HEATR5A: variants seen among roughly 807,000 people sequenced by gnomAD.
HEATR5A encodes the protein HEAT repeat containing 5A, also known as HEAT repeat-containing protein 5A.
Under a neutral mutation model 218.8 loss-of-function variants are expected in HEATR5A, and 178 were observed. The observed-to-expected ratio is 0.81, with a 90% confidence interval of 0.72 to 0.92. The LOEUF (loss-of-function observed/expected upper bound fraction) is 0.92. Ranked by LOEUF, HEATR5A falls within the 40% of genes least tolerant of loss-of-function variation. HEATR5A has a pLI of 0.00. For synonymous variants in HEATR5A, 864 were observed against 871.6 expected, an observed-to-expected ratio of 0.99 and a Z score of 0.15; for missense variants, 2,420 against 2,418.9, an observed-to-expected ratio of 1.00 and a Z score of -0.01.
At chr14:31,387,444 T>C (rs112892714) in intron 7 of HEATR5A, 69 bp from the exon 8 acceptor site, 14 of 1,112,612 alleles carry the variant, frequency 1.3e-5, no homozygotes, top group Middle Eastern at 2.5e-4. Context: ...CCACAAAACA[T>C]GTAGCATTTA....
intron 19 of HEATR5A, among the ~76,000 whole-genome samples, chr14:31,346,623 T>TG (rs1901031354): frequency 6.6e-6 from 1 of 152,204 alleles, no homozygotes; most frequent in African/African-American, 2.4e-5. Flanking sequence ...AAAACATCTG[T>TG]GGGGTCAGTT....
At chr14:31,350,796 G>C in intron 16 of HEATR5A, 79 bp from the exon 17 acceptor site, 3 of 531,498 alleles carry the variant, frequency 5.6e-6, no homozygotes, top group Non-Finnish European at 6.7e-6. Context: ...TTGTTTGTTT[G>C]AGACGGAGTC....
chr14:31,327,286 CTTTTTTTTTTTTT>C (rs71951930), intron 22 of HEATR5A, among the ~76,000 whole-genome samples: 10 of 45,158 alleles, frequency 2.2e-4, no homozygotes, highest in South Asian at 2.2e-3. Flanking sequence ...TCCAGTGGCA[CTTTTTTTTTTTTT>C]TTTTTTTTTT....
chr14:31,395,036 T>TG (rs139730735), intron 5 of HEATR5A, among the ~76,000 whole-genome samples, 163 bp downstream of exon 5: 5 of 152,302 alleles, frequency 3.3e-5, no homozygotes, highest in African/African-American at 1.2e-4. Context: ...CTTTGAACCT[T>TG]GGGAAATTCA....
intron 2 of HEATR5A, among the ~76,000 whole-genome samples, chr14:31,402,114 T>C (rs564441095): frequency 1.5e-3 from 222 of 152,334 alleles, no homozygotes; most frequent in South Asian, 3.5e-3. Context: ...CTCCCTGTTG[T>C]CTCAGAACAA....
Position 31,374,867 on chromosome 14 carries a change from C to T in HEATR5A, c.1810G>A (p.Asp604Asn). 1 of 1,613,830 alleles carries T rather than the reference C, an allele frequency of 6.2e-7. No homozygotes were observed. Residue 604 changes from aspartate to asparagine, a missense_variant, in exon 12 of 36, where the codon GAT becomes AAT. Physicochemically the swap from Asp to Asn is conservative, Grantham distance 23 (BLOSUM62 1). Coordinates refer to ENST00000543095, the MANE Select transcript of HEATR5A (RefSeq NM_015473.4). The part of the protein sequence containing the change: ...KDLETEKSRG[D>N]SFTWQVTLEG... ...AGGGTCACCTGCCATGTAAACGAAT[C>T]TCCTCGGCTCTTTTCTGTTTCTAGA...
chr14:31,389,094 CAA>C, intron 6 of HEATR5A, 89 bp from the exon 7 acceptor site: 1 of 1,179,848 alleles, frequency 8.5e-7, no homozygotes, highest in Middle Eastern at 2.0e-4. Context: ...TTAATAGAAA[CAA>C]AAATAAACTA....
intron 27 of HEATR5A, among the ~76,000 whole-genome samples, chr14:31,314,280 T>TG (rs1488870740): frequency 6.6e-6 from 1 of 151,768 alleles, no homozygotes; most frequent in African/African-American, 2.4e-5. Context: ...TTCTTTGAGA[T>TG]GGAGTTTCGC....
rs1899083972 is a variant in HEATR5A at position 31,293,590 on chromosome 14, AAGAC to A, written c.5852_5855del (p.Cys1951PhefsTer21). 54 of 1,610,636 alleles carry A rather than the reference AAGAC, an allele frequency of 3.4e-5. No homozygotes were observed. Among genetic ancestry groups the A allele is most frequent in the Non-Finnish European group, 4.5e-5 (53 of 1,178,862 alleles). On this transcript the variant is annotated frameshift_variant, in exon 36 of 36. Transcript: ENST00000543095. LOFTEE classifies it high-confidence loss of function. The stretch of plus-strand genomic sequence containing the variant: ...AAAGGAAGGAAATGAGGATGGGCAA[AAGAC>A]AGGCCACCAGCTGAGCGCCTAGAAA...
intron 25 of HEATR5A, among the ~76,000 whole-genome samples, chr14:31,318,598 C>A (rs1899987712): frequency 6.6e-6 from 1 of 152,142 alleles, no homozygotes; most frequent in South Asian, 2.1e-4. Flanking sequence ...TCAAGTGATT[C>A]TCCTGCCTCA....
chr14:31,362,105 C>T (rs1490265311), intron 14 of HEATR5A, among the ~76,000 whole-genome samples: 1 of 152,086 alleles, frequency 6.6e-6, no homozygotes, highest in Non-Finnish European at 1.5e-5. Flanking sequence ...GCTGGGACTA[C>T]AGGCATGTGC....
chr14:31,409,347 C>T (rs1032592297), intron 1 of HEATR5A, among the ~76,000 whole-genome samples: 2 of 151,222 alleles, frequency 1.3e-5, no homozygotes, highest in Admixed American at 6.6e-5. Flanking sequence ...CATGCCCGGC[C>T]TCAGAGTTTT....
At chr14:31,370,688 T>C (rs113097039) in intron 13 of HEATR5A, among the ~76,000 whole-genome samples, 2,079 of 152,254 alleles carry the variant, frequency 0.014, 20 homozygotes, top group Non-Finnish European at 0.02. Flanking sequence ...CAGAAGTCCA[T>C]TGACAAGAGA....
At chr14:31,376,723 T>C (rs761052870) in intron 11 of HEATR5A, among the ~76,000 whole-genome samples, 3 of 152,134 alleles carry the variant, frequency 2.0e-5, no homozygotes, top group African/African-American at 4.8e-5. Context: ...CATTAGTTCA[T>C]AGTGAAATAA....
At chr14:31,373,922 T>C (rs529948166) in intron 12 of HEATR5A, among the ~76,000 whole-genome samples, 4 of 152,264 alleles carry the variant, frequency 2.6e-5, no homozygotes, top group African/African-American at 9.6e-5. Context: ...GAATAGTAAA[T>C]ATATTTTCTC....
At chr14:31,410,409 C>A (rs942750019) in intron 1 of HEATR5A, among the ~76,000 whole-genome samples, 3 of 152,138 alleles carry the variant, frequency 2.0e-5, no homozygotes, top group Admixed American at 6.5e-5. Flanking sequence ...TAGAAGGAAG[C>A]TAGATTATTC....
In HEATR5A at chr14:31,337,556, T is replaced by G. The variant is rs1443080375; in HGVS notation, c.3287A>C (p.Gln1096Pro). The change falls in exon 22 of 36, where the codon CAG becomes CCG. Residue 1096 changes from glutamine to proline, a missense_variant. By Grantham distance (76) the Gln-to-Pro change is moderately conservative. Coordinates refer to ENST00000543095, the MANE Select transcript of HEATR5A (RefSeq NM_015473.4). ...LRRAVLACLR[Q>P]LVQREAAEVS... ...TTCAGCTGCTTCTCTTTGTACAAGC[T>G]GACGTAAGCAAGCCAGTACTGCTCT... 31 of 1,588,236 alleles carry G rather than the reference T, an allele frequency of 2.0e-5. No individual in the cohort carries two copies. Among genetic ancestry groups the G allele is most frequent in the Non-Finnish European group, 2.4e-5 (28 of 1,166,922 alleles).
At chr14:31,293,814 G>A (rs976599521) in intron 35 of HEATR5A, 77 bp downstream of exon 35, 96 of 1,229,520 alleles carry the variant, frequency 7.8e-5, no homozygotes, top group Non-Finnish European at 1.0e-4. Flanking sequence ...TAATGTGACT[G>A]ATTGTTTTGC....
intron 13 of HEATR5A, among the ~76,000 whole-genome samples, chr14:31,369,631 A>AG (rs1456284583): frequency 6.7e-6 from 1 of 148,598 alleles, no homozygotes; most frequent in East Asian, 2.0e-4. Flanking sequence ...AAAAAAAAAA[A>AG]AAAAACCCAA....
Sources: gnomAD v4.1 joint callset for allele counts (sites outside exome capture counted in the v4.1 genomes callset) on GRCh38, gnomAD v4.1.1 for gene constraint, MANE v1.5 for transcripts, NCBI Gene and HGNC (gene_info 2026-07-23, HGNC 2026-07-21) for gene names.